NR6A1: variants seen among roughly 807,000 people sequenced by gnomAD.
The protein encoded by NR6A1 is nuclear receptor subfamily 6 group A member 1, also known as retinoic acid receptor-related testis-associated receptor.
Under a neutral mutation model 59.1 loss-of-function variants are expected in NR6A1, and 7 were observed. The observed-to-expected ratio is 0.12, with a 90% CI of 0.07 to 0.22. The LOEUF is 0.22. NR6A1 is among the 10% of genes least tolerant of loss of function. NR6A1 has a pLI of 1.00. For missense variants in NR6A1, 468 were observed against 611.6 expected (o/e 0.77, Z 2.48); for synonymous variants, 243 against 236.1 (o/e 1.03, Z -0.27).
intron 2 of NR6A1, among the ~76,000 whole-genome samples, chr9:124,702,189 G>C (rs1838980642): frequency 6.6e-6 from 1 of 152,054 alleles, no homozygotes. Context: ...AGAGGTCTTT[G>C]CCTAACCCAA....
In NR6A1 at chr9:124,524,846, T is replaced by A. The variant is rs1221450136; in HGVS notation, c.1229A>T (p.Gln410Leu). ...GTATCGTTTATTCAATTGTTCCAGCTGTGAGGCACTGGTCAGACCCCTGAT... is the reference window on the plus strand; with the variant it reads ...GTATCGTTTATTCAATTGTTCCAGCAGTGAGGCACTGGTCAGACCCCTGAT... ...QDIRGLTSASQLEQLNKRYWY... is the reference protein window; with the variant it reads ...QDIRGLTSASLLEQLNKRYWY... The change falls in exon 9 of 10, where the codon CAG becomes CTG. Residue 410 changes from glutamine (Q) to leucine (L), a missense_variant. Physicochemically the swap from Gln to Leu is moderately radical, Grantham distance 113 (BLOSUM62 -2). Around this residue, in one of 4 missense-constraint regions of NR6A1, gnomAD observed 176 missense variants for 264.0 expected, o/e 0.67. Transcript: ENST00000487099. 1 of 1,613,324 alleles carries A rather than the reference T, an allele frequency of 6.2e-7. No individual in the cohort carries two copies. The highest frequency in any genetic ancestry group is 1.7e-5 in the Admixed American group (1 of 59,972).
intron 2 of NR6A1, among the ~76,000 whole-genome samples, chr9:124,715,785 A>G (rs1588822356): frequency 6.6e-6 from 1 of 152,356 alleles, no homozygotes; most frequent in East Asian, 1.9e-4. Context: ...GACTACTTCT[A>G]TCTGATTTCA....
intron 2 of NR6A1, among the ~76,000 whole-genome samples, chr9:124,686,674 G>T (rs946047678): frequency 6.6e-6 from 1 of 151,730 alleles, no homozygotes; most frequent in African/African-American, 2.4e-5. Context: ...GCAACAAGGG[G>T]ATGGAGAAAT....
At chr9:124,544,126 C>A (rs775070182) in intron 3 of NR6A1, among the ~76,000 whole-genome samples, 7 of 152,244 alleles carry the variant, frequency 4.6e-5, no homozygotes, top group Non-Finnish European at 1.0e-4. Context: ...GATAGCACTG[C>A]TCACTAGTCC....
chr9:124,561,562 T>C (rs1326609206), intron 2 of NR6A1, among the ~76,000 whole-genome samples: 2 of 152,238 alleles, frequency 1.3e-5, no homozygotes, highest in African/African-American at 4.8e-5. Context: ...TTGCAAAGTA[T>C]AAGTGTTAGA....
intron 4 of NR6A1, among the ~76,000 whole-genome samples, chr9:124,542,163 C>A (rs1438349186): frequency 1.3e-5 from 2 of 152,184 alleles, no homozygotes; most frequent in Non-Finnish European, 2.9e-5. Context: ...AGGTAGATTT[C>A]ATGTTATATG....
At chr9:124,645,654 A>C (rs190928446) in intron 2 of NR6A1, among the ~76,000 whole-genome samples, 1 of 152,372 alleles carries the variant, frequency 6.6e-6, no homozygotes, top group East Asian at 1.9e-4. Flanking sequence ...GCAAAACCTG[A>C]TAGAACTACA....
chr9:124,751,220 C>G (rs1432021691), intron 1 of NR6A1, among the ~76,000 whole-genome samples: 1 of 152,208 alleles, frequency 6.6e-6, no homozygotes, highest in Non-Finnish European at 1.5e-5. Context: ...ACTAGTCACA[C>G]CCAAGTACTA....
At chr9:124,697,414 A>T (rs1838800373) in intron 2 of NR6A1, among the ~76,000 whole-genome samples, 1 of 152,122 alleles carries the variant, frequency 6.6e-6, no homozygotes, top group Non-Finnish European at 1.5e-5. Context: ...GTACTATGAG[A>T]GCAAATAATA....
intron 2 of NR6A1, among the ~76,000 whole-genome samples, chr9:124,691,076 C>T (rs1362598236): frequency 2.0e-5 from 3 of 152,008 alleles, no homozygotes; most frequent in Admixed American, 6.5e-5. Context: ...TAGTATAAGG[C>T]TTGACATCGC....
rs1832792696 is a variant in NR6A1 at position 124,521,115 on chromosome 9, C to G, written c.*1590G>C. Reference sequence around the variant, plus strand: ...GGTGCCGTGGGCCCTTCCAACCTACCCAGGCATGCAGCCAACTAAGTGGTC... The same window carrying G: ...GGTGCCGTGGGCCCTTCCAACCTACGCAGGCATGCAGCCAACTAAGTGGTC... On this transcript the variant is annotated 3_prime_UTR_variant, in exon 10 of 10. Coordinates refer to ENST00000487099, the MANE Select transcript of NR6A1 (RefSeq NM_033334.4). The G allele has an allele frequency of 6.6e-6, 1 of 152,238 alleles. No individual in the cohort carries two copies. Among genetic ancestry groups the G allele is most frequent in the Non-Finnish European group, 1.5e-5 (1 of 68,052 alleles). The allele number at this position is 152,238 out of a possible 1,614,324, so 9.4% of individuals were successfully genotyped here.
chr9:124,558,000 T>C (rs1055144256), intron 2 of NR6A1, among the ~76,000 whole-genome samples: 4 of 152,226 alleles, frequency 2.6e-5, no homozygotes, highest in African/African-American at 4.8e-5. Flanking sequence ...ACCCCATACA[T>C]AGGTGAGTAC....
At chr9:124,610,368 C>T (rs1005792669) in intron 2 of NR6A1, among the ~76,000 whole-genome samples, 1 of 151,980 alleles carries the variant, frequency 6.6e-6, no homozygotes, top group Non-Finnish European at 1.5e-5. Context: ...TCTGTGGTTT[C>T]TGTCTTTAGT....
At chr9:124,721,083 G>C (rs888157872) in intron 2 of NR6A1, among the ~76,000 whole-genome samples, 4 of 152,238 alleles carry the variant, frequency 2.6e-5, no homozygotes, top group Middle Eastern at 3.4e-3. Context: ...ACTAGCCTCA[G>C]AATTTCTTCT....
intron 1 of NR6A1, among the ~76,000 whole-genome samples, chr9:124,767,249 T>G (rs1285061136): frequency 2.0e-5 from 3 of 152,202 alleles, no homozygotes; most frequent in African/African-American, 7.2e-5. Flanking sequence ...TAGCTCCCCA[T>G]CCAACTCCCT....
intron 4 of NR6A1, among the ~76,000 whole-genome samples, chr9:124,542,173 G>A (rs1364077003): frequency 2.6e-5 from 4 of 152,108 alleles, no homozygotes; most frequent in African/African-American, 4.8e-5. Flanking sequence ...CATGTTATAT[G>A]GTTTTTACTT....
intron 2 of NR6A1, among the ~76,000 whole-genome samples, chr9:124,653,610 G>A (rs956753805): frequency 2.6e-5 from 4 of 152,156 alleles, no homozygotes; most frequent in African/African-American, 4.8e-5. Flanking sequence ...GTCTTACTAT[G>A]TTGCTAAGGC....
chr9:124,594,560 G>C (rs929709963), intron 2 of NR6A1, among the ~76,000 whole-genome samples: 8 of 152,158 alleles, frequency 5.3e-5, no homozygotes, highest in African/African-American at 1.7e-4. Context: ...GTATATCCAG[G>C]ATAGTTTAAC....
At chr9:124,580,693 G>A (rs1834738567) in intron 2 of NR6A1, among the ~76,000 whole-genome samples, 1 of 152,054 alleles carries the variant, frequency 6.6e-6, no homozygotes, top group Non-Finnish European at 1.5e-5. Flanking sequence ...GGTGGCTCAC[G>A]CCTGTAATCC....
Sources: allele counts gnomAD v4.1 joint callset (sites outside exome capture counted in the v4.1 genomes callset), GRCh38; gene constraint gnomAD v4.1.1; regional missense constraint gnomAD v4.1.1; transcripts MANE v1.5; gene names NCBI Gene and HGNC (gene_info 2026-07-23, HGNC 2026-07-21).